The following UROS variants were observed in gnomAD, a reference collection of about 807,000 sequenced individuals.
UROS encodes uroporphyrinogen III synthase.
UROS carries 18 observed loss-of-function variants against 33.0 expected under a neutral mutation model. The ratio of observed to expected loss-of-function variants is 0.55; its 90% CI spans 0.38 to 0.81. UROS has a LOEUF of 0.81. Among genes scored for constraint, UROS ranks in the 30% least tolerant of loss-of-function variants. The pLI, the probability that UROS is intolerant of heterozygous loss-of-function variation, is 0.00. For missense variants in UROS, 293 were observed against 314.9 expected (o/e 0.93, Z 0.53); for synonymous variants, 114 against 121.1 (o/e 0.94, Z 0.38).
At chr10:125,809,928 C>T (rs1852656758) in intron 5 of UROS, among the ~76,000 whole-genome samples, 1 of 152,204 alleles carries the variant, frequency 6.6e-6, no homozygotes, top group Non-Finnish European at 1.5e-5. Flanking sequence ...CAGCGTGCAA[C>T]ATTTATAAAG....
chr10:125,794,520 T>G, intron 9 of UROS: 2 of 348,846 alleles, frequency 5.7e-6, no homozygotes, highest in Non-Finnish European at 9.4e-6. Context: ...ATGGCAAACA[T>G]AAGATGGGGG....
chr10:125,797,772 CA>C lies in UROS; in HGVS notation c.475+292del, dbSNP rs34128376. ...TGGTTTGTCACCTCAGTTATCTGCC[CA>C]GGGGCCACCTCCACATCTCGATCTC... On this transcript the variant is annotated intron_variant, in intron 7 of 9. Transcript: ENST00000368797. Among the ~76,000 whole-genome samples, 63,806 of 151,950 alleles carry C rather than the reference CA, an allele frequency of 0.42. 13,643 individuals carry two copies. Among genetic ancestry groups the C allele is most frequent in the Non-Finnish European group, 0.46 (31,396 of 67,924 alleles).
chr10:125,790,045 G>A (rs1224708356), intron 9 of UROS, among the ~76,000 whole-genome samples: 2 of 152,192 alleles, frequency 1.3e-5, no homozygotes, highest in Non-Finnish European at 2.9e-5. Context: ...AGCAGGCCAG[G>A]TGGTAGTGGA....
chr10:125,797,696 A>G (rs918596579), intron 7 of UROS, among the ~76,000 whole-genome samples: 2 of 152,202 alleles, frequency 1.3e-5, no homozygotes, highest in South Asian at 4.1e-4. Flanking sequence ...GCATGCTATT[A>G]TAAGATCGGC....
At chr10:125,797,990 A>G in intron 7 of UROS, 75 bp downstream of exon 7, 1 of 1,557,858 alleles carries the variant, frequency 6.4e-7, no homozygotes, top group South Asian at 1.1e-5. Flanking sequence ...CTGCAGGGCC[A>G]CCCACTTCTA....
At chr10:125,795,722 T>C (rs2133830221) in intron 8 of UROS, among the ~76,000 whole-genome samples, 1 of 152,320 alleles carries the variant, frequency 6.6e-6, no homozygotes, top group East Asian at 1.9e-4. Context: ...CTCAGGGTTG[T>C]ATGTATCTTC....
At chr10:125,798,649 C>T (rs899903166) in intron 6 of UROS, among the ~76,000 whole-genome samples, 16 of 152,238 alleles carry the variant, frequency 1.1e-4, no homozygotes, top group Non-Finnish European at 2.9e-5. Context: ...GACAAGCTCA[C>T]TGCCCACTCC....
chr10:125,816,854 T>C (rs1267175321), intron 1 of UROS, among the ~76,000 whole-genome samples: 1 of 152,148 alleles, frequency 6.6e-6, no homozygotes, highest in Non-Finnish European at 1.5e-5. Context: ...AACAGAGAAA[T>C]TGGTATCTTA....
intron 6 of UROS, chr10:125,807,136 T>G (rs1852402740): frequency 4.4e-6 from 2 of 451,536 alleles, no homozygotes; most frequent in Admixed American, 6.9e-5. Context: ...ATCCCTCAAG[T>G]GATCTCTCCA....
In UROS at chr10:125,794,369, G is replaced by C. The variant is rs1851173731; in HGVS notation, c.660+511C>G. The C allele has an allele frequency of 7.0e-6, 7 of 1,004,164 alleles. No individual in the cohort carries two copies. The Admixed American group carries it at 3.8e-4, about 55-fold the overall frequency. 62.2% of individuals were successfully genotyped at this position (1,004,164 alleles called of 1,614,324 possible). On this transcript the variant is annotated intron_variant, in intron 9 of 9. Transcript: ENST00000368797. ...CTGCACCCTCTCCTCAGTCCCTCTGGAGCCAGTTCAAGGGTGTTTCTATTA... is the reference window on the plus strand; with the variant it reads ...CTGCACCCTCTCCTCAGTCCCTCTGCAGCCAGTTCAAGGGTGTTTCTATTA...
chr10:125,789,391 G>A (rs1850761299), intron 9 of UROS: 1 of 1,150,608 alleles, frequency 8.7e-7, no homozygotes, highest in South Asian at 2.1e-5. Context: ...GGTGTGGCAG[G>A]GGCAGTGACT....
At chr10:125,814,796 A>G (rs1392049338) in intron 4 of UROS, among the ~76,000 whole-genome samples, 2 of 152,192 alleles carry the variant, frequency 1.3e-5, no homozygotes, top group Admixed American at 6.5e-5. Context: ...CTAAGGGGAT[A>G]TATCAGTCCC....
At chr10:125,802,664 T>C in intron 6 of UROS, 8 of 1,224,380 alleles carry the variant, frequency 6.5e-6, no homozygotes, top group Non-Finnish European at 8.2e-6. Flanking sequence ...GAACTGTATG[T>C]TTTTAGCTTG....
At chr10:125,798,229 G>C (rs1755042867) in intron 6 of UROS, 84 bp from the exon 7 acceptor site, 1 of 1,423,264 alleles carries the variant, frequency 7.0e-7, no homozygotes, top group Non-Finnish European at 9.9e-7. Context: ...TTTGGGAAGG[G>C]GGAAGCAGCC....
At chr10:125,816,357 C>T (rs1224005913) in intron 2 of UROS, 80 bp downstream of exon 2, 20 of 1,607,618 alleles carry the variant, frequency 1.2e-5, no homozygotes, top group South Asian at 2.2e-5. Context: ...TGAGGTTTTG[C>T]AAAACCCATC....
chr10:125,799,076 C>T (rs1028203679), intron 6 of UROS, among the ~76,000 whole-genome samples: 2 of 152,138 alleles, frequency 1.3e-5, no homozygotes, highest in African/African-American at 4.8e-5. Context: ...GTGACTACAA[C>T]GAGAGGAAGG....
At chr10:125,821,070 A>C (rs1853832652) in intron 1 of UROS, among the ~76,000 whole-genome samples, 1 of 152,232 alleles carries the variant, frequency 6.6e-6, no homozygotes, top group South Asian at 2.1e-4. Context: ...GCAAACTACA[A>C]AAAAGTATAG....
chr10:125,796,635 C>T (rs746656690), intron 7 of UROS, among the ~76,000 whole-genome samples: 20 of 152,014 alleles, frequency 1.3e-4, no homozygotes, highest in Non-Finnish European at 1.2e-4. Context: ...CACATGGCCA[C>T]GCGTCCCCTC....
intron 6 of UROS, among the ~76,000 whole-genome samples, chr10:125,800,867 G>C (rs1851792723): frequency 6.6e-6 from 1 of 152,194 alleles, no homozygotes; most frequent in Non-Finnish European, 1.5e-5. Flanking sequence ...ACTGCGCCCA[G>C]CTGAGGGCTT....
Sources: allele counts gnomAD v4.1 joint callset (sites outside exome capture counted in the v4.1 genomes callset), GRCh38; gene constraint gnomAD v4.1.1; transcripts MANE v1.5; gene names NCBI Gene and HGNC (gene_info 2026-07-23, HGNC 2026-07-21).